The following ZNF836 variants were observed in gnomAD, a reference collection of about 807,000 sequenced individuals.
The protein encoded by ZNF836 is zinc finger protein 836.
Under a neutral mutation model 7.4 loss-of-function variants are expected in ZNF836, and 12 were observed. The observed-to-expected ratio is 1.61, with a 90% CI of 1.03 to 2.61. ZNF836 has a LOEUF of 2.61. ZNF836 is among the 30% of genes most tolerant of loss of function. The probability of loss-of-function intolerance (pLI) is 0.00; values close to 1 mark genes in which losing one functional copy is unlikely to be tolerated. For synonymous variants in ZNF836, 365 were observed against 382.6 expected, an observed-to-expected ratio of 0.95 and a Z score of 0.54; for missense variants, 998 against 1,126.2, an observed-to-expected ratio of 0.89 and a Z score of 1.63.
rs570269787 is a variant in ZNF836 at position 52,161,528 on chromosome 19, C to T, written c.16-937G>A. ...AATAAGCCTTTTGATATCTCATTGA[C>T]GAGAACACCATACCCACTGATAAAG... On this transcript the variant is annotated intron_variant, in intron 3 of 4. Coordinates refer to ENST00000682614, the MANE Select transcript of ZNF836 (RefSeq NM_001102657.3). This position sits in a 1 kb window ranked among gnomAD's most constrained non-coding sequence, Gnocchi z 4.1. Among the ~76,000 whole-genome samples the T allele has an allele frequency of 7.2e-5, 11 of 152,106 alleles. No individual in the cohort carries two copies. Among genetic ancestry groups the T allele is most frequent in the African/African-American group, 1.4e-4 (6 of 41,494 alleles).
chr19:52,167,623 A>C (rs1304742382), intron 3 of ZNF836, among the ~76,000 whole-genome samples: 2 of 152,174 alleles, frequency 1.3e-5, no homozygotes, highest in African/African-American at 4.8e-5. Context: ...GTAGTATAAA[A>C]TTAGGCAGAA....
intron 3 of ZNF836, among the ~76,000 whole-genome samples, chr19:52,163,577 A>G (rs1435253155): frequency 6.6e-6 from 1 of 152,060 alleles, no homozygotes; most frequent in Non-Finnish European, 1.5e-5. Flanking sequence ...GATCGAAACC[A>G]TCCTGGCCAA....
intron 1 of ZNF836, among the ~76,000 whole-genome samples, chr19:52,170,886 G>A (rs1370154453): frequency 6.6e-6 from 1 of 152,172 alleles, no homozygotes; most frequent in African/African-American, 2.4e-5. Flanking sequence ...TAAAATTTGG[G>A]AAGGAAGAAC....
At chr19:52,162,891 C>T (rs964403235) in intron 3 of ZNF836, among the ~76,000 whole-genome samples, 2 of 152,188 alleles carry the variant, frequency 1.3e-5, no homozygotes, top group Non-Finnish European at 2.9e-5. Context: ...CATATAGCCT[C>T]CAGTGGAATG....
chr19:52,154,856 T>C lies in ZNF836; in HGVS notation c.*16A>G. Reference sequence around the variant, plus strand: ...ACGGAAGTGACAAATATACAAGCTATATCAATAAGTATGAATTATTTGAAC... The same window carrying C: ...ACGGAAGTGACAAATATACAAGCTACATCAATAAGTATGAATTATTTGAAC... On this transcript the variant is annotated 3_prime_UTR_variant, in exon 5 of 5. Transcript: ENST00000682614. The C allele has an allele frequency of 6.7e-7, 1 of 1,491,402 alleles. No homozygotes were observed. Among genetic ancestry groups the C allele is most frequent in the Non-Finnish European group, 8.9e-7 (1 of 1,120,746 alleles). 92.4% of individuals were successfully genotyped at this position (1,491,402 alleles called of 1,614,324 possible). A position where few individuals can be genotyped will look rare whatever the true frequency, so the allele number is the denominator to read the frequency against.
At chr19:52,160,666 A>C in intron 3 of ZNF836, 75 bp from the exon 4 acceptor site, 1 of 1,492,802 alleles carries the variant, frequency 6.7e-7, no homozygotes, top group Admixed American at 2.3e-5. Context: ...AGAGGAGAGA[A>C]CTGTCACATC....
chr19:52,168,404 A>G (rs1489073402), intron 2 of ZNF836, among the ~76,000 whole-genome samples: 3 of 152,136 alleles, frequency 2.0e-5, no homozygotes, highest in African/African-American at 7.2e-5. Context: ...CCTGGCCAAC[A>G]CAGTGAAACC....
In ZNF836 at chr19:52,168,161, G is replaced by C; in HGVS notation, c.-80-9C>G. ...TTCTTTACAAGTCAAATCTGAAAGTGAAAAATCTGTTGTTTAATGCTTGGA... is the reference window on the plus strand; with the variant it reads ...TTCTTTACAAGTCAAATCTGAAAGTCAAAAATCTGTTGTTTAATGCTTGGA... On this transcript the variant is annotated splice_polypyrimidine_tract_variant and intron_variant, in intron 2 of 4. Coordinates refer to ENST00000682614, the MANE Select transcript of ZNF836 (RefSeq NM_001102657.3). The C allele has an allele frequency of 6.5e-7, 1 of 1,537,780 alleles. No homozygotes were observed. Among genetic ancestry groups the C allele is most frequent in the Non-Finnish European group, 8.8e-7 (1 of 1,138,218 alleles).
rs997988050 is a variant in ZNF836 at position 52,161,911 on chromosome 19, A to T, written c.16-1320T>A. ...AGCAAACGAGTTATGTGCTTCCAAA[A>T]TACAATGGTGGGGCAGACACAGGTT... On this transcript the variant is annotated intron_variant, in intron 3 of 4. Coordinates refer to ENST00000682614, the MANE Select transcript of ZNF836 (RefSeq NM_001102657.3). This position sits in a 1 kb window ranked among gnomAD's most constrained non-coding sequence, Gnocchi z 4.1. Among the ~76,000 whole-genome samples, 10 of 152,226 alleles carry T rather than the reference A, an allele frequency of 6.6e-5. No homozygotes were observed. The highest frequency in any genetic ancestry group is 1.5e-4 in the Non-Finnish European group (10 of 68,040).
In ZNF836 at chr19:52,160,462, T is replaced by C; in HGVS notation, c.142+3A>G. Reference sequence around the variant, plus strand: ...TTAACTTCTAGAGCAAAATTATCCTTACCCAGGAAGACCAGGTTCCTGTAG... The same window carrying C: ...TTAACTTCTAGAGCAAAATTATCCTCACCCAGGAAGACCAGGTTCCTGTAG... On this transcript the variant is annotated splice_donor_region_variant and intron_variant, in intron 4 of 4. Coordinates refer to ENST00000682614, the MANE Select transcript of ZNF836 (RefSeq NM_001102657.3). 1.2e-6 allele frequency: 2 copies of C among 1,614,168 alleles called. 1 individual carries two copies. The highest frequency in any genetic ancestry group is 2.2e-5 in the South Asian group (2 of 91,080).
chr19:52,156,790 C>T lies in ZNF836; in HGVS notation c.893G>A (p.Gly298Glu). The change falls in exon 5 of 5, where the codon GGA (glycine) becomes GAA (glutamate). Residue 298 changes from glycine to glutamate, a missense_variant. Coordinates refer to ENST00000682614, the MANE Select transcript of ZNF836 (RefSeq NM_001102657.3). ...DLVNHRRSHT[G>E]EKPYKCNECG... ...TTCATTACATTTGTACGGTTTCTCT[C>T]CAGTGTGACTTCTCCGGTGATTTAC... 6.2e-7 allele frequency: 1 copy of T among 1,614,108 alleles called. No homozygotes were observed. Among genetic ancestry groups the T allele is most frequent in the Non-Finnish European group, 8.5e-7 (1 of 1,180,006 alleles).
intron 3 of ZNF836, among the ~76,000 whole-genome samples, chr19:52,163,498 G>A (rs906964431): frequency 1.3e-5 from 2 of 152,154 alleles, no homozygotes; most frequent in Non-Finnish European, 2.9e-5. Flanking sequence ...CCACAGCCCG[G>A]GTGCGGTGGC....
At chr19:52,164,649 CAG>C (rs940157191) in intron 3 of ZNF836, among the ~76,000 whole-genome samples, 5 of 152,026 alleles carry the variant, frequency 3.3e-5, no homozygotes, top group East Asian at 1.9e-4. Context: ...CTATAAAAAA[CAG>C]AGAAAAATGA....
In ZNF836 at chr19:52,160,563, A is replaced by G. The variant is rs761481588; in HGVS notation, c.44T>C (p.Ile15Thr). ...TTTCCACTCCTCCTGAGAGAATTCT[A>G]TGGCTACATCCCTGAATGTCAAAGG... ...QGPLTFRDVA[I>T]EFSQEEWKSL... is the part of the protein sequence containing the mutation. The change falls in exon 4 of 5, where the codon ATA becomes ACA. Residue 15 changes from isoleucine (I) to threonine (T), a missense_variant. Coordinates refer to ENST00000682614, the MANE Select transcript of ZNF836 (RefSeq NM_001102657.3). 6.2e-7 allele frequency: 1 copy of G among 1,613,312 alleles called. No homozygotes were observed. Among genetic ancestry groups the G allele is most frequent in the Non-Finnish European group, 8.5e-7 (1 of 1,179,856 alleles).
chr19:52,160,765 G>T, intron 3 of ZNF836, 174 bp from the exon 4 acceptor site: 1 of 711,570 alleles, frequency 1.4e-6, no homozygotes, highest in Non-Finnish European at 2.2e-6. Context: ...AAATTCAATA[G>T]AAGATTATGA....
chr19:52,157,896 T>G (rs534747821), intron 4 of ZNF836, among the ~76,000 whole-genome samples: 1 of 152,106 alleles, frequency 6.6e-6, no homozygotes, highest in East Asian at 1.9e-4. Flanking sequence ...ATAACTAGTA[T>G]TATTTGTTTT....
At chr19:52,160,332 G>A (rs753405609) in intron 4 of ZNF836, 133 bp downstream of exon 4, 7 of 1,110,000 alleles carry the variant, frequency 6.3e-6, no homozygotes, top group African/African-American at 3.1e-5. Flanking sequence ...GCAGCATTAT[G>A]AAGCTTTTTA....
At chr19:52,164,328 G>A (rs1287522004) in intron 3 of ZNF836, among the ~76,000 whole-genome samples, 4 of 151,020 alleles carry the variant, frequency 2.6e-5, no homozygotes, top group Non-Finnish European at 4.4e-5. Context: ...AGGAGGCAGA[G>A]GTTGCAGTGA....
Position 52,155,859 on chromosome 19 carries a change from T to C in ZNF836, c.1824A>G (p.Lys608=). The change falls in exon 5 of 5, where the codon AAA becomes AAG. Residue 608 remains lysine, a synonymous_variant. Coordinates refer to ENST00000682614, the MANE Select transcript of ZNF836 (RefSeq NM_001102657.3). ...TGCCACACACATTACATTTGTAAGGTTTCTGCCCAGTATGAATTCTTAGAT... is the reference window on the plus strand; with the variant it reads ...TGCCACACACATTACATTTGTAAGGCTTCTGCCCAGTATGAATTCTTAGAT... The part of the protein sequence containing the change: ...ARHLRIHTGQ[K]PYKCNVCGKV... 1 of 1,614,018 alleles carries C rather than the reference T, an allele frequency of 6.2e-7. No individual in the cohort carries two copies. The highest frequency in any genetic ancestry group is 8.5e-7 in the Non-Finnish European group (1 of 1,179,902).
Sources: allele counts gnomAD v4.1 joint callset (sites outside exome capture counted in the v4.1 genomes callset), GRCh38; gene constraint gnomAD v4.1.1; non-coding constraint Gnocchi (gnomAD v3.1); transcripts MANE v1.5; gene names NCBI Gene and HGNC (gene_info 2026-07-23, HGNC 2026-07-21).